CHRM3: variants seen among roughly 807,000 people sequenced by gnomAD.
The protein encoded by CHRM3 is cholinergic receptor muscarinic 3, also known as muscarinic acetylcholine receptor M3.
In CHRM3, 11 loss-of-function variants were observed where a neutral mutation model predicts 41.8. The ratio of observed to expected loss-of-function variants is 0.26; its 90% CI spans 0.17 to 0.44. The LOEUF is 0.44. CHRM3 is among the 20% of genes least tolerant of loss of function. The pLI, the probability that CHRM3 is intolerant of heterozygous loss-of-function variation, is 1.00. For missense variants in CHRM3, 571 were observed against 745.4 expected (o/e 0.77, Z 2.72); for synonymous variants, 297 against 301.4 (o/e 0.99, Z 0.15).
intron 4 of CHRM3, among the ~76,000 whole-genome samples, chr1:239,676,719 A>G (rs1658037106): frequency 6.6e-6 from 1 of 152,166 alleles, no homozygotes; most frequent in East Asian, 1.9e-4. Flanking sequence ...CAGTTCCCCT[A>G]GCACATGGTA....
chr1:239,809,019 A>AT (rs34075379), intron 5 of CHRM3, among the ~76,000 whole-genome samples: 82,816 of 125,000 alleles, frequency 0.66, 27,904 homozygotes, highest in Admixed American at 0.73. Context: ...TCTGAAGTCC[A>AT]TTTTTTTTTT....
In CHRM3 at chr1:239,759,315, G is replaced by GAAA. The variant is rs535876295; in HGVS notation, c.-146-67927_-146-67925dup. 1.1e-3 allele frequency among the ~76,000 whole-genome samples: 138 copies of GAAA among 124,248 alleles called. 1 individual carries two copies. Among genetic ancestry groups the GAAA allele is most frequent in the African/African-American group, 3.8e-3 (133 of 34,848 alleles). 81.5% of individuals were successfully genotyped at this position (124,248 alleles called of 152,430 possible). A position where few individuals can be genotyped will look rare whatever the true frequency, so the allele number is the denominator to read the frequency against. ...ATCTCAATAGGAAACACATTATTTT[G>GAAA]AAAAAAAAAAAAGCTACTGTATTAT... On this transcript the variant is annotated intron_variant, in intron 5 of 6. Coordinates refer to ENST00000676153, the MANE Select transcript of CHRM3 (RefSeq NM_001375978.1).
At chr1:239,663,485 G>A (rs1558432123) in intron 4 of CHRM3, among the ~76,000 whole-genome samples, 1 of 152,160 alleles carries the variant, frequency 6.6e-6, no homozygotes, top group Admixed American at 6.5e-5. Flanking sequence ...CCTCAGAGTC[G>A]ATGGGATGGA....
rs368438941 is a variant in CHRM3, at chr1:239,743,750, A to C, written c.-147+65462A>C. 9.5e-5 allele frequency among the ~76,000 whole-genome samples: 14 copies of C among 147,130 alleles called. 1 individual carries two copies. In the South Asian group the frequency reaches 2.4e-3, roughly 25 times the overall value. On this transcript the variant is annotated intron_variant, in intron 5 of 6. Transcript: ENST00000676153. The stretch of plus-strand genomic sequence containing the variant: ...TAATAACTCAGTTTCTCCTTGCCTC[A>C]GTGATCTTCTTTTTCTTTTTCTTTT...
chr1:239,510,020 C>T (rs375785974), intron 2 of CHRM3, among the ~76,000 whole-genome samples: 14 of 152,064 alleles, frequency 9.2e-5, no homozygotes, highest in African/African-American at 2.4e-4. Flanking sequence ...ACCTGGGGGA[C>T]GGAGGTTACA....
At chr1:239,780,820 TG>T in intron 5 of CHRM3, among the ~76,000 whole-genome samples, 1 of 8,022 alleles carries the variant, frequency 1.2e-4, no homozygotes, top group Admixed American at 1.0e-3. Context: ...CATTTATTTG[TG>T]TGTGTGTGTG....
chr1:239,438,169 A>G (rs1458091706), intron 1 of CHRM3, among the ~76,000 whole-genome samples: 1 of 152,188 alleles, frequency 6.6e-6, no homozygotes, highest in Non-Finnish European at 1.5e-5. Context: ...ACATTTTATT[A>G]TATTTTAAGT....
At chr1:239,495,893 T>G (rs1160305604) in intron 2 of CHRM3, among the ~76,000 whole-genome samples, 1 of 152,034 alleles carries the variant, frequency 6.6e-6, no homozygotes, top group Non-Finnish European at 1.5e-5. Context: ...TCATATTTCC[T>G]TCTCCCTACT....
intron 4 of CHRM3, among the ~76,000 whole-genome samples, chr1:239,635,610 C>T (rs1332719206): frequency 1.3e-5 from 2 of 152,190 alleles, no homozygotes; most frequent in African/African-American, 2.4e-5. Context: ...AGTTTTATTT[C>T]TTAAGGCATA....
At chr1:239,388,987 G>C (rs536055589) in intron 1 of CHRM3, among the ~76,000 whole-genome samples, 2 of 152,174 alleles carry the variant, frequency 1.3e-5, no homozygotes, top group East Asian at 1.9e-4. Context: ...TGACATTGCC[G>C]GTCGGATTTA....
intron 5 of CHRM3, among the ~76,000 whole-genome samples, chr1:239,805,997 T>C (rs1442902249): frequency 2.0e-5 from 3 of 152,164 alleles, no homozygotes; most frequent in Admixed American, 1.3e-4. Flanking sequence ...TCTTGGAGCT[T>C]GATTCTGCAT....
At chr1:239,444,584 G>T (rs2103273776) in intron 1 of CHRM3, among the ~76,000 whole-genome samples, 1 of 152,044 alleles carries the variant, frequency 6.6e-6, no homozygotes, top group African/African-American at 2.4e-5. Context: ...TTCAAAGGAA[G>T]GTATAAGACT....
At chr1:239,891,064 T>C (rs1678512832) in intron 6 of CHRM3, among the ~76,000 whole-genome samples, 1 of 152,102 alleles carries the variant, frequency 6.6e-6, no homozygotes, top group African/African-American at 2.4e-5. Context: ...CAATCAGGTG[T>C]ACATGGTTCT....
chr1:239,723,830 A>C (rs2217532), intron 5 of CHRM3, among the ~76,000 whole-genome samples: 61,351 of 151,598 alleles, frequency 0.4, 12,725 homozygotes, highest in Middle Eastern at 0.51. Context: ...TAGAACTTAA[A>C]GATGAGGCCT....
chr1:239,548,675 G>A (rs1659519332), intron 3 of CHRM3, among the ~76,000 whole-genome samples: 1 of 152,188 alleles, frequency 6.6e-6, no homozygotes, highest in Non-Finnish European at 1.5e-5. Context: ...CATGGGTACA[G>A]GCCTGGTTGC....
At chr1:239,409,977 G>A (rs1660942646) in intron 1 of CHRM3, among the ~76,000 whole-genome samples, 1 of 152,056 alleles carries the variant, frequency 6.6e-6, no homozygotes, top group East Asian at 1.9e-4. Flanking sequence ...CAGAATGCTT[G>A]GGCTTGGTAA....
At chr1:239,781,549 C>A (rs552168778) in intron 5 of CHRM3, among the ~76,000 whole-genome samples, 2 of 152,166 alleles carry the variant, frequency 1.3e-5, no homozygotes, top group East Asian at 3.9e-4. Flanking sequence ...GGATTTCCTA[C>A]ATAGATGATC....
At chr1:239,659,708 G>A (rs1046552460) in intron 4 of CHRM3, among the ~76,000 whole-genome samples, 1 of 152,156 alleles carries the variant, frequency 6.6e-6, no homozygotes, top group Non-Finnish European at 1.5e-5. Flanking sequence ...CTGAACCACA[G>A]AAAGTTATTT....
chr1:239,687,560 A>C (rs1037322001), intron 5 of CHRM3, among the ~76,000 whole-genome samples: 4 of 152,152 alleles, frequency 2.6e-5, no homozygotes, highest in African/African-American at 7.2e-5. Context: ...GTACATTATG[A>C]GGTCATAAAA....
Sources: gnomAD v4.1 joint callset for allele counts (sites outside exome capture counted in the v4.1 genomes callset) on GRCh38, gnomAD v4.1.1 for gene constraint, MANE v1.5 for transcripts, NCBI Gene and HGNC (gene_info 2026-07-23, HGNC 2026-07-21) for gene names.